GPBP1: variants seen among roughly 807,000 people sequenced by gnomAD.
The protein encoded by GPBP1 is GC-rich promoter binding protein 1.
Under a neutral mutation model 56.5 loss-of-function variants are expected in GPBP1, and 13 were observed. That is an observed-to-expected ratio of 0.23 (90% confidence interval 0.15 to 0.37). GPBP1 has a LOEUF of 0.37. Ranked by LOEUF, GPBP1 falls within the 10% of genes least tolerant of loss-of-function variation. GPBP1 has a pLI of 1.00. For missense variants in GPBP1, 477 were observed against 572.3 expected (o/e 0.83, Z 1.70); for synonymous variants, 204 against 188.9 (o/e 1.08, Z -0.66).
chr5:57,220,861 C>CA lies in GPBP1; in HGVS notation c.63+6668_63+6669insA, dbSNP rs1580028124. On this transcript the variant is annotated intron_variant, in intron 3 of 11. Coordinates refer to ENST00000506184, the MANE Select transcript of GPBP1 (RefSeq NM_022913.4). The stretch of plus-strand genomic sequence containing the variant: ...TAGTGATACTTTTATTGTACCTTTT[C>CA]TGTCTTATTCTTTCTCAGAATCATC... Among the ~76,000 whole-genome samples the CA allele has an allele frequency of 2.0e-5, 3 of 152,106 alleles. No homozygotes were observed. The East Asian group carries it at 5.8e-4, about 29-fold the overall frequency.
At chr5:57,251,184 C>T (rs375172639) in intron 10 of GPBP1, 43 bp downstream of exon 10, 28 of 1,468,922 alleles carry the variant, frequency 1.9e-5, no homozygotes, top group South Asian at 7.8e-5. Flanking sequence ...TTTCTGTATT[C>T]GAGATTTCAA....
At chr5:57,239,777 C>T (rs772097665) in intron 6 of GPBP1, among the ~76,000 whole-genome samples, 14 of 152,126 alleles carry the variant, frequency 9.2e-5, no homozygotes, top group Non-Finnish European at 1.6e-4. Flanking sequence ...GACACTCCAT[C>T]TCCGAACAAA....
At chr5:57,222,858 T>G (rs1162163366) in intron 3 of GPBP1, among the ~76,000 whole-genome samples, 1 of 152,172 alleles carries the variant, frequency 6.6e-6, no homozygotes, top group African/African-American at 2.4e-5. Context: ...ACTGGATGTT[T>G]TCATTTTTAC....
intron 6 of GPBP1, chr5:57,237,573 CAAAA>C (rs1740596463): frequency 6.0e-6 from 1 of 166,606 alleles, no homozygotes; most frequent in Non-Finnish European, 1.3e-5. Context: ...TCTGCATAAA[CAAAA>C]AAAGAAAATG....
At chr5:57,200,816 G>A (rs1361190255) in intron 2 of GPBP1, among the ~76,000 whole-genome samples, 1 of 152,178 alleles carries the variant, frequency 6.6e-6, no homozygotes, top group Non-Finnish European at 1.5e-5. Flanking sequence ...CAAGTAGCTG[G>A]GACTACAGGC....
intron 2 of GPBP1, among the ~76,000 whole-genome samples, chr5:57,182,585 C>G (rs1240963105): frequency 6.6e-6 from 1 of 151,736 alleles, no homozygotes; most frequent in African/African-American, 2.4e-5. Flanking sequence ...GTTGGCCAGG[C>G]TGGTCTTGAA....
At chr5:57,218,850 GATACACTT>G (rs1755809132) in intron 3 of GPBP1, among the ~76,000 whole-genome samples, 1 of 152,114 alleles carries the variant, frequency 6.6e-6, no homozygotes, top group Non-Finnish European at 1.5e-5. Context: ...TGTTGAAAAA[GATACACTT>G]AAGTTATAAA....
intron 10 of GPBP1, among the ~76,000 whole-genome samples, chr5:57,257,634 T>C (rs1220292958): frequency 6.6e-6 from 1 of 152,160 alleles, no homozygotes; most frequent in East Asian, 1.9e-4. Flanking sequence ...TAAATATTTA[T>C]TTTTTAGAGA....
chr5:57,230,677 C>T (rs554364043), intron 3 of GPBP1, 169 bp from the exon 4 acceptor site: 71 of 642,692 alleles, frequency 1.1e-4, no homozygotes, highest in African/African-American at 1.0e-3. Context: ...AATGGACCAT[C>T]GGTGAATCCA....
At chr5:57,182,607 G>A (rs1754104396) in intron 2 of GPBP1, among the ~76,000 whole-genome samples, 1 of 151,950 alleles carries the variant, frequency 6.6e-6, no homozygotes, top group Admixed American at 6.6e-5. Flanking sequence ...TCCTGACCTC[G>A]TGATCCACCT....
chr5:57,178,218 A>G (rs935148130), intron 2 of GPBP1, among the ~76,000 whole-genome samples: 4 of 152,192 alleles, frequency 2.6e-5, no homozygotes, highest in Non-Finnish European at 5.9e-5. Flanking sequence ...TCATTCTTCT[A>G]GAAAACTACA....
At chr5:57,258,776 C>T (rs193077508) in intron 10 of GPBP1, among the ~76,000 whole-genome samples, 2 of 152,252 alleles carry the variant, frequency 1.3e-5, no homozygotes, top group Admixed American at 6.5e-5. Flanking sequence ...CCACCATGCT[C>T]GGCTAGATTA....
intron 3 of GPBP1, among the ~76,000 whole-genome samples, chr5:57,217,593 CAAAA>C (rs911150597): frequency 5.9e-5 from 9 of 151,660 alleles, no homozygotes; most frequent in Admixed American, 2.0e-4. Flanking sequence ...ACAAAAAACA[CAAAA>C]AAACACAACT....
chr5:57,242,557 G>A (rs1440724232), intron 6 of GPBP1, among the ~76,000 whole-genome samples: 1 of 152,074 alleles, frequency 6.6e-6, no homozygotes, highest in African/African-American at 2.4e-5. Flanking sequence ...GCAGTGGTGC[G>A]ATCATGGCTC....
At chr5:57,218,396 A>C (rs181034123) in intron 3 of GPBP1, among the ~76,000 whole-genome samples, 6 of 152,326 alleles carry the variant, frequency 3.9e-5, no homozygotes, top group Admixed American at 3.3e-4. Context: ...AATTCAGGGA[A>C]ACACATTTGC....
chr5:57,185,936 T>C (rs1012245908), intron 2 of GPBP1, among the ~76,000 whole-genome samples: 1 of 151,610 alleles, frequency 6.6e-6, no homozygotes, highest in Non-Finnish European at 1.5e-5. Context: ...GCCTGGACGA[T>C]GAGAGTGAAC....
intron 3 of GPBP1, among the ~76,000 whole-genome samples, chr5:57,214,693 T>G (rs1477672286): frequency 6.6e-6 from 1 of 152,224 alleles, no homozygotes; most frequent in Non-Finnish European, 1.5e-5. Context: ...CTTTGCTCTG[T>G]CGCCTAGGCT....
In GPBP1 at chr5:57,231,180, C is replaced by T; in HGVS notation, c.270C>T (p.Tyr90=). Residue 90 remains tyrosine, a synonymous_variant, in exon 5 of 12, where the codon TAC becomes TAT. Transcript: ENST00000506184. ...AAAACATAAATCATCGAGGTGGATA[C>T]CATGGTGGAAGTTCCCGTTCTCGTA... The part of the protein sequence containing the change: ...GTENINHRGG[Y]HGGSSRSRSS... 1.9e-6 allele frequency: 3 copies of T among 1,614,034 alleles called. No homozygotes were observed. Among genetic ancestry groups the T allele is most frequent in the Non-Finnish European group, 2.5e-6 (3 of 1,179,966 alleles).
At chr5:57,188,762 C>T (rs917573134) in intron 2 of GPBP1, among the ~76,000 whole-genome samples, 3 of 151,972 alleles carry the variant, frequency 2.0e-5, no homozygotes, top group African/African-American at 7.2e-5. Context: ...AAAAGGCAAG[C>T]TACAGTCTTA....
Sources: gnomAD v4.1 joint callset for allele counts (sites outside exome capture counted in the v4.1 genomes callset) on GRCh38, gnomAD v4.1.1 for gene constraint, MANE v1.5 for transcripts, NCBI Gene and HGNC (gene_info 2026-07-23, HGNC 2026-07-21) for gene names.